The following DCLK1 variants were observed in gnomAD, a reference collection of about 807,000 sequenced individuals.
DCLK1 encodes the protein serine/threonine-protein kinase DCLK1.
In DCLK1, 16 loss-of-function variants were observed where a neutral mutation model predicts 86.2. That is an observed-to-expected ratio of 0.19 (90% CI 0.13 to 0.28). The LOEUF (loss-of-function observed/expected upper bound fraction) is 0.28. DCLK1 is among the 10% of genes least tolerant of loss of function. DCLK1 has a pLI of 1.00. For missense variants in DCLK1, 590 were observed against 940.2 expected (o/e 0.63, Z 4.87); for synonymous variants, 369 against 370.5 (o/e 1.00, Z 0.05).
intron 3 of DCLK1, among the ~76,000 whole-genome samples, chr13:36,089,393 G>T (rs536155396): frequency 6.6e-6 from 1 of 152,300 alleles, no homozygotes; most frequent in East Asian, 1.9e-4. Context: ...TGTGCTTTGT[G>T]CAGTTAATAT....
chr13:35,887,828 T>C (rs1566586985), intron 4 of DCLK1, among the ~76,000 whole-genome samples: 1 of 129,584 alleles, frequency 7.7e-6, no homozygotes, highest in Non-Finnish European at 1.5e-5. Context: ...GGTGGGAGGA[T>C]CTCTTGTGCC....
At chr13:35,952,349 A>G (rs1877739214) in intron 3 of DCLK1, among the ~76,000 whole-genome samples, 1 of 152,228 alleles carries the variant, frequency 6.6e-6, no homozygotes, top group South Asian at 2.1e-4. Context: ...AAAGAAAGAC[A>G]CACTTTGAAT....
Position 35,849,445 on chromosome 13 carries a change from T to C in DCLK1, c.1035+5054A>G, listed in dbSNP as rs1022258184. On this transcript the variant is annotated intron_variant, in intron 6 of 16. Coordinates refer to ENST00000360631, the MANE Select transcript of DCLK1 (RefSeq NM_001330071.2). ...TGAGATATGTCAAGCCTGGAGAATATCAAAACCATGCTTCACAAGTCTTAA... is the reference window on the plus strand; with the variant it reads ...TGAGATATGTCAAGCCTGGAGAATACCAAAACCATGCTTCACAAGTCTTAA... 3.0e-6 allele frequency: 3 copies of C among 985,218 alleles called. No homozygotes were observed. The African/African-American group carries it at 5.2e-5, about 17-fold the overall frequency. 61.0% of individuals were successfully genotyped at this position (985,218 alleles called of 1,614,324 possible).
intron 1 of DCLK1, 112 bp from the exon 2 acceptor site, chr13:36,126,268 C>T (rs1221527559): frequency 2.2e-6 from 2 of 929,248 alleles, no homozygotes; most frequent in Non-Finnish European, 2.9e-6. Flanking sequence ...TGCTCTGTCA[C>T]CGGGCTGCAG....
chr13:36,131,373 G>GGGC lies in DCLK1; in HGVS notation c.-282_-280dup, dbSNP rs965603869. 70 of 195,022 alleles carry GGGC rather than the reference G, an allele frequency of 3.6e-4. No homozygotes were observed. The highest frequency in any genetic ancestry group is 1.1e-3 in the South Asian group (13 of 11,448). The allele number at this position is 195,022 out of a possible 1,614,324, so 12.1% of individuals were successfully genotyped here. A position where few individuals can be genotyped will look rare whatever the true frequency, so the allele number is the denominator to read the frequency against. ...CACTCCAGCCTCTCTCTCCAGAGGA[G>GGGC]GGCGGCGGCGGCGGCGGCGGCGGGC... On this transcript the variant is annotated 5_prime_UTR_variant, in exon 1 of 17. Transcript: ENST00000360631.
rs569700333 is a variant in DCLK1 at position 36,079,409 on chromosome 13, C to A, written c.723+32460G>T. On this transcript the variant is annotated intron_variant, in intron 3 of 16. Transcript: ENST00000360631. ...CTTTGGGAGGCTGAGGCGGGAGGAT[C>A]GCCTCAGGTCAGGAGTTTGAGACCA... Among the ~76,000 whole-genome samples the A allele has an allele frequency of 3.0e-4, 45 of 152,050 alleles. 1 individual carries two copies. In the South Asian group the frequency reaches 8.7e-3, roughly 29 times the overall value.
chr13:35,858,286 G>C (rs952727311), intron 5 of DCLK1, among the ~76,000 whole-genome samples: 1 of 152,174 alleles, frequency 6.6e-6, no homozygotes, highest in African/African-American at 2.4e-5. Context: ...CCTGGTAATT[G>C]ATTGGCTGTA....
At chr13:35,779,099 G>T (rs566158069) in intron 16 of DCLK1, among the ~76,000 whole-genome samples, 1 of 151,760 alleles carries the variant, frequency 6.6e-6, no homozygotes. Flanking sequence ...CACTGCAACC[G>T]CCACCTCCCG....
At chr13:35,887,078 T>C (rs1489497124) in intron 4 of DCLK1, among the ~76,000 whole-genome samples, 1 of 152,220 alleles carries the variant, frequency 6.6e-6, no homozygotes, top group Admixed American at 6.5e-5. Flanking sequence ...CTGCGTTGCT[T>C]ATATTTTTGG....
intron 3 of DCLK1, among the ~76,000 whole-genome samples, chr13:36,095,063 A>G (rs542335422): frequency 9.2e-5 from 14 of 152,260 alleles, no homozygotes; most frequent in African/African-American, 3.1e-4. Flanking sequence ...CAATTTCTCT[A>G]TGAACAGAAA....
chr13:35,867,746 C>A (rs1361352600), intron 5 of DCLK1, among the ~76,000 whole-genome samples: 1 of 151,680 alleles, frequency 6.6e-6, no homozygotes, highest in Non-Finnish European at 1.5e-5. Flanking sequence ...GAAATTATTG[C>A]CTATATGCAT....
intron 3 of DCLK1, among the ~76,000 whole-genome samples, chr13:36,034,320 A>G (rs912352423): frequency 6.6e-6 from 1 of 152,210 alleles, no homozygotes; most frequent in Non-Finnish European, 1.5e-5. Flanking sequence ...GTTATTATCA[A>G]TTAAAATTAA....
intron 5 of DCLK1, chr13:35,855,477 C>T (rs1221036730): frequency 6.3e-7 from 1 of 1,586,252 alleles, no homozygotes; most frequent in Non-Finnish European, 8.6e-7. Flanking sequence ...TAAATGCTTT[C>T]CACAAGGGAG....
At chr13:36,079,856 G>A (rs114788954) in intron 3 of DCLK1, among the ~76,000 whole-genome samples, 234 of 152,306 alleles carry the variant, frequency 1.5e-3, no homozygotes, top group African/African-American at 5.4e-3. Flanking sequence ...GCACATAGAA[G>A]TAGTAGCTGT....
In DCLK1 at chr13:35,839,215, C is replaced by G. The variant is rs147498703; in HGVS notation, c.1036-39G>C. The G allele has an allele frequency of 7.7e-5, 118 of 1,536,832 alleles. 1 individual carries two copies. The East Asian group carries it at 2.8e-3, about 37-fold the overall frequency. On this transcript the variant is annotated intron_variant, in intron 6 of 16. Transcript: ENST00000360631. ...GAAACCGGTAATTCAAAAACTGGGT[C>G]AGAATGCCTGAGTTTCCAGGGACCA...
chr13:36,004,274 C>T (rs1880849820), intron 3 of DCLK1, among the ~76,000 whole-genome samples: 1 of 152,100 alleles, frequency 6.6e-6, no homozygotes, highest in Non-Finnish European at 1.5e-5. Flanking sequence ...GCTCCTAGCA[C>T]ATTTTACAAA....
intron 3 of DCLK1, among the ~76,000 whole-genome samples, chr13:35,961,203 A>C (rs1388149491): frequency 6.6e-6 from 1 of 152,200 alleles, no homozygotes; most frequent in Non-Finnish European, 1.5e-5. Context: ...TCTACCTCCC[A>C]GGATGATTGA....
intron 3 of DCLK1, among the ~76,000 whole-genome samples, chr13:35,953,865 A>T (rs964919855): frequency 1.2e-4 from 19 of 152,184 alleles, no homozygotes; most frequent in Non-Finnish European, 2.2e-4. Flanking sequence ...GAAACAGGGG[A>T]TATCTCTGCA....
At chr13:35,915,642 T>G (rs1373722996) in intron 4 of DCLK1, among the ~76,000 whole-genome samples, 2 of 152,258 alleles carry the variant, frequency 1.3e-5, no homozygotes, top group East Asian at 3.9e-4. Flanking sequence ...AAGTTGAGGC[T>G]GCAGTGAGCT....
Sources: allele counts gnomAD v4.1 joint callset (sites outside exome capture counted in the v4.1 genomes callset), GRCh38; gene constraint gnomAD v4.1.1; transcripts MANE v1.5; gene names NCBI Gene and HGNC (gene_info 2026-07-23, HGNC 2026-07-21).